APBA2: variants seen among roughly 807,000 people sequenced by gnomAD.
APBA2 encodes the protein amyloid-beta A4 precursor protein-binding family A member 2.
APBA2 carries 30 observed loss-of-function variants against 75.0 expected under a neutral mutation model. That is an observed-to-expected ratio of 0.40 (90% CI 0.30 to 0.54). The LOEUF (loss-of-function observed/expected upper bound fraction) is 0.54, where lower values mean the gene tolerates loss of function less well. Among genes scored for constraint, APBA2 ranks in the 20% least tolerant of loss-of-function variants. The pLI, the probability that APBA2 is intolerant of heterozygous loss-of-function variation, is 0.49. For synonymous variants in APBA2, 444 were observed against 409.6 expected (o/e 1.08, Z -1.01); for missense variants, 801 against 1,016.1 (o/e 0.79, Z 2.88).
chr15:28,903,796 C>T (rs1047089210), intron 1 of APBA2, among the ~76,000 whole-genome samples: 3 of 152,126 alleles, frequency 2.0e-5, no homozygotes, highest in African/African-American at 4.8e-5. Context: ...ACAGGCAGTG[C>T]TCTGTGGTGG....
intron 3 of APBA2, among the ~76,000 whole-genome samples, chr15:29,039,096 AG>A (rs769538549): frequency 7.9e-4 from 67 of 84,886 alleles, no homozygotes; most frequent in African/African-American, 2.5e-3. Context: ...GCTGTATGTC[AG>A]GGTGTGTGTG....
intron 2 of APBA2, among the ~76,000 whole-genome samples, chr15:28,944,569 G>T (rs1392744523): frequency 6.6e-6 from 1 of 152,196 alleles, no homozygotes; most frequent in Non-Finnish European, 1.5e-5. Flanking sequence ...TCTTAGAGTC[G>T]ATGTCCCCTA....
intron 1 of APBA2, among the ~76,000 whole-genome samples, chr15:28,905,669 G>A (rs1344640096): frequency 2.6e-5 from 4 of 152,122 alleles, no homozygotes; most frequent in Non-Finnish European, 4.4e-5. Flanking sequence ...GGGACTACAG[G>A]TACATGCCAC....
chr15:29,106,480 G>C, intron 11 of APBA2, 127 bp from the exon 12 acceptor site: 1 of 1,092,616 alleles, frequency 9.2e-7, no homozygotes, highest in Non-Finnish European at 1.3e-6. Context: ...GCTGAGATGA[G>C]CCAGCCTTGG....
At chr15:28,997,794 G>A (rs2038611979) in intron 3 of APBA2, among the ~76,000 whole-genome samples, 1 of 152,136 alleles carries the variant, frequency 6.6e-6, no homozygotes, top group South Asian at 2.1e-4. Context: ...TATGTATCCT[G>A]AAATACTATT....
chr15:29,026,761 A>AG (rs1289527427), intron 3 of APBA2, among the ~76,000 whole-genome samples: 1 of 145,676 alleles, frequency 6.9e-6, no homozygotes, highest in Non-Finnish European at 1.5e-5. Context: ...AAAATACAGA[A>AG]AAAAAAAAAA....
At chr15:28,968,106 T>C (rs2036841329) in intron 2 of APBA2, among the ~76,000 whole-genome samples, 2 of 152,356 alleles carry the variant, frequency 1.3e-5, no homozygotes, top group South Asian at 4.1e-4. Flanking sequence ...TTGTAGTAAG[T>C]GTCAGAATTC....
intron 2 of APBA2, among the ~76,000 whole-genome samples, chr15:28,925,312 C>G (rs895878468): frequency 6.6e-6 from 1 of 152,128 alleles, no homozygotes; most frequent in African/African-American, 2.4e-5. Context: ...AAGTTGTTTG[C>G]TCCTGAGAGG....
At chr15:29,092,009 G>A (rs1411669536) in intron 6 of APBA2, among the ~76,000 whole-genome samples, 1 of 152,222 alleles carries the variant, frequency 6.6e-6, no homozygotes, top group African/African-American at 2.4e-5. Context: ...GCCAACATGG[G>A]TCTGAGAGGA....
At chr15:29,082,276 A>G (rs572307134) in intron 6 of APBA2, among the ~76,000 whole-genome samples, 1 of 152,350 alleles carries the variant, frequency 6.6e-6, no homozygotes, top group African/African-American at 2.4e-5. Context: ...ATTAAGTCAT[A>G]CAATGTAATG....
At chr15:28,974,854 A>T (rs1250504844) in intron 2 of APBA2, among the ~76,000 whole-genome samples, 1 of 152,214 alleles carries the variant, frequency 6.6e-6, no homozygotes, top group Non-Finnish European at 1.5e-5. Context: ...ATAGATAAAA[A>T]TAGCCAAATA....
At chr15:29,045,069 TTCTCTCTCTCTCTCTC>T (rs1555399868) in intron 3 of APBA2, among the ~76,000 whole-genome samples, 1 of 82,866 alleles carries the variant, frequency 1.2e-5, no homozygotes, top group Non-Finnish European at 2.0e-5. Flanking sequence ...CCCTCCCTCC[TTCTCTCTCTCTCTCTC>T]TCTCTCTCTC....
At chr15:28,902,693 T>C (rs2032931211) in intron 1 of APBA2, among the ~76,000 whole-genome samples, 1 of 152,018 alleles carries the variant, frequency 6.6e-6, no homozygotes, top group African/African-American at 2.4e-5. Context: ...CTCTGTGGAG[T>C]CTGCTCAGTT....
chr15:29,025,564 G>A (rs760890600), intron 3 of APBA2, among the ~76,000 whole-genome samples: 4 of 151,996 alleles, frequency 2.6e-5, no homozygotes, highest in African/African-American at 9.7e-5. Context: ...GAGGCACTGC[G>A]CCTGGCCAAG....
At chr15:29,069,765 A>G (rs2042537980) in intron 4 of APBA2, among the ~76,000 whole-genome samples, 1 of 152,276 alleles carries the variant, frequency 6.6e-6, no homozygotes, top group Non-Finnish European at 1.5e-5. Flanking sequence ...CATATGGGAC[A>G]TACAACAGGC....
At chr15:28,987,725 G>GAC in intron 2 of APBA2, among the ~76,000 whole-genome samples, 1 of 118,562 alleles carries the variant, frequency 8.4e-6, no homozygotes, top group South Asian at 3.2e-4. Flanking sequence ...AATATGTGGA[G>GAC]AGAGATATAT....
rs2032338524 is a variant in APBA2 at position 28,894,501 on chromosome 15, G to C, written c.-205+8223G>C. Among the ~76,000 whole-genome samples the C allele has an allele frequency of 2.0e-5, 3 of 152,270 alleles. No individual in the cohort carries two copies. In the South Asian group the frequency reaches 6.2e-4, roughly 32 times the overall value. On this transcript the variant is annotated intron_variant, in intron 1 of 14. Transcript: ENST00000683413. The stretch of plus-strand genomic sequence containing the variant: ...CATGGACCCCATCCTATAAGAGTGG[G>C]TGGGTTTACCCCTTCAGAGCCCAGG...
At chr15:29,045,103 C>CTTTCTT (rs57446098) in intron 3 of APBA2, among the ~76,000 whole-genome samples, 2 of 140,288 alleles carry the variant, frequency 1.4e-5, no homozygotes, top group African/African-American at 5.5e-5. Flanking sequence ...CTCTCTCTCT[C>CTTTCTT]GTCTCGCACT....
chr15:29,089,646 C>T (rs1419389830), intron 6 of APBA2, among the ~76,000 whole-genome samples: 2 of 152,150 alleles, frequency 1.3e-5, no homozygotes, highest in African/African-American at 4.8e-5. Flanking sequence ...TGTGGGACTC[C>T]CCTCCCCTTC....
Sources: gnomAD v4.1 joint callset for allele counts (sites outside exome capture counted in the v4.1 genomes callset) on GRCh38, gnomAD v4.1.1 for gene constraint, MANE v1.5 for transcripts, NCBI Gene and HGNC (gene_info 2026-07-23, HGNC 2026-07-21) for gene names.